PPM1A: variants seen among roughly 807,000 people sequenced by gnomAD.
The protein encoded by PPM1A is protein phosphatase 1A.
A neutral mutation model predicts 35.0 loss-of-function variants in PPM1A; 7 were observed. The observed-to-expected ratio is 0.20, with a 90% CI of 0.11 to 0.38. The LOEUF (loss-of-function observed/expected upper bound fraction) is 0.38. PPM1A is among the 10% of genes least tolerant of loss of function. PPM1A has a pLI of 1.00. For synonymous variants in PPM1A, 153 were observed against 167.3 expected (o/e 0.91, Z 0.66); for missense variants, 239 against 467.8 (o/e 0.51, Z 4.51).
intron 1 of PPM1A, among the ~76,000 whole-genome samples, chr14:60,271,029 C>T (rs1484451159): frequency 2.0e-5 from 3 of 152,204 alleles, no homozygotes; most frequent in Admixed American, 6.5e-5. Context: ...ATCATTTTCA[C>T]GGGGACAAAA....
At chr14:60,262,132 T>C (rs1450956064) in intron 1 of PPM1A, among the ~76,000 whole-genome samples, 4 of 152,256 alleles carry the variant, frequency 2.6e-5, no homozygotes, top group South Asian at 4.1e-4. Flanking sequence ...TCTGAATGTT[T>C]ATAGTAGTAG....
At position 60,249,533 on chromosome 14, in the gene PPM1A, C is replaced by T; in HGVS notation, c.-165C>T. The T allele has an allele frequency of 4.1e-6, 4 of 985,294 alleles. No individual in the cohort carries two copies. The highest frequency in any genetic ancestry group is 4.8e-6 in the Non-Finnish European group (4 of 829,642). The allele number at this position is 985,294 out of a possible 1,614,324, so 61.0% of individuals were successfully genotyped here. On this transcript the variant is annotated 5_prime_UTR_variant, in exon 1 of 6. Coordinates refer to ENST00000395076, the MANE Select transcript of PPM1A (RefSeq NM_021003.5). This position sits in a 1 kb window ranked among gnomAD's most constrained non-coding sequence, Gnocchi z 4.5. ...GCAGCCCGGCTCCTCCCCTCCTCCG[C>T]CCCTTCCCCAGCCTGACCTGGCCCG...
intron 1 of PPM1A, among the ~76,000 whole-genome samples, chr14:60,264,378 A>T (rs78272212): frequency 8.5e-4 from 129 of 152,112 alleles, no homozygotes; most frequent in Non-Finnish European, 1.7e-3. Context: ...TTCTGTCACC[A>T]CTACTTACTG....
intron 4 of PPM1A, 69 bp from the exon 5 acceptor site, chr14:60,291,328 C>A: frequency 9.3e-7 from 1 of 1,071,712 alleles, no homozygotes; most frequent in Middle Eastern, 2.1e-4. Context: ...TAATAAACAC[C>A]TGGCTATGAG....
At position 60,292,242 on chromosome 14, in the gene PPM1A, CCAAAA is replaced by C. The variant is rs1227890976; in HGVS notation, c.1120-201_1120-197del. On this transcript the variant is annotated intron_variant, in intron 5 of 5. Coordinates refer to ENST00000395076, the MANE Select transcript of PPM1A (RefSeq NM_021003.5). This position sits in a 1 kb window ranked among gnomAD's most constrained non-coding sequence, Gnocchi z 4.2. ...CATAAAACCGCATTTCAAATATTTT[CCAAAA>C]CAAAACAAAGGATTAACAATTCTTT... Among the ~76,000 whole-genome samples, 3 of 152,150 alleles carry C rather than the reference CCAAAA, an allele frequency of 2.0e-5. No individual in the cohort carries two copies. Among genetic ancestry groups the C allele is most frequent in the Non-Finnish European group, 2.9e-5 (2 of 67,956 alleles).
At chr14:60,279,644 T>A (rs1417012138) in intron 1 of PPM1A, among the ~76,000 whole-genome samples, 1 of 152,044 alleles carries the variant, frequency 6.6e-6, no homozygotes, top group Non-Finnish European at 1.5e-5. Flanking sequence ...TTTAAACTCC[T>A]ATCGGCACTC....
upstream of PPM1A, among the ~76,000 whole-genome samples, chr14:60,246,343 G>C (rs1472531694): frequency 6.6e-6 from 1 of 152,044 alleles, no homozygotes; most frequent in Non-Finnish European, 1.5e-5. Context: ...CCACACTACA[G>C]CCCCTGTCCT....
rs1020015993 is a variant in PPM1A at position 60,298,943 on chromosome 14, C to A, written c.*6461C>A. ...AGAAAATATGTGAATTCAGTTCTAA[C>A]TTTAAGAATGTACTGTTTGTTTTCA... On this transcript the variant is annotated 3_prime_UTR_variant, in exon 6 of 6. Coordinates refer to ENST00000395076, the MANE Select transcript of PPM1A (RefSeq NM_021003.5). 6.6e-6 allele frequency: 1 copy of A among 151,722 alleles called. No homozygotes were observed. The highest frequency in any genetic ancestry group is 1.5e-5 in the Non-Finnish European group (1 of 67,768). 9.4% of individuals were successfully genotyped at this position (151,722 alleles called of 1,614,324 possible).
At chr14:60,271,986 G>A (rs1053212026) in intron 1 of PPM1A, among the ~76,000 whole-genome samples, 5 of 151,678 alleles carry the variant, frequency 3.3e-5, no homozygotes, top group African/African-American at 1.2e-4. Flanking sequence ...GTCCAGTATC[G>A]CATATTGGAT....
rs1386293581 is a variant in PPM1A at position 60,294,452 on chromosome 14, T to C, written c.*1970T>C. ...CGAAGTATGATAATGTTCTAAGTTA[T>C]GGCTTTGCAAGCATCTAAATGTGCA... On this transcript the variant is annotated 3_prime_UTR_variant, in exon 6 of 6. Transcript: ENST00000395076. 1 of 151,936 alleles carries C rather than the reference T, an allele frequency of 6.6e-6. No homozygotes were observed. Among genetic ancestry groups the C allele is most frequent in the Non-Finnish European group, 1.5e-5 (1 of 67,858 alleles). The allele number at this position is 151,936 out of a possible 1,614,324, so 9.4% of individuals were successfully genotyped here.
chr14:60,246,286 G>A (rs1881782371), upstream of PPM1A, among the ~76,000 whole-genome samples: 1 of 152,122 alleles, frequency 6.6e-6, no homozygotes, highest in Admixed American at 6.5e-5. Context: ...TCACAATTGT[G>A]GTGGAAAGGG....
rs984700951 is a variant in PPM1A, at chr14:60,282,499, C to G, written c.-20-185C>G. 6.6e-6 allele frequency among the ~76,000 whole-genome samples: 1 copy of G among 152,172 alleles called. No individual in the cohort carries two copies. Among genetic ancestry groups the G allele is most frequent in the Non-Finnish European group, 1.5e-5 (1 of 68,028 alleles). On this transcript the variant is annotated intron_variant, in intron 1 of 5. Transcript: ENST00000395076. The surrounding 1 kb of genome is among the most constrained non-coding windows in gnomAD (Gnocchi z 5.1). ...GCCTTTTTGTCTGTTGTGATCTGTGCTTCATCAGGCTTTCCCCCAGTTCCT... is the reference window on the plus strand; with the variant it reads ...GCCTTTTTGTCTGTTGTGATCTGTGGTTCATCAGGCTTTCCCCCAGTTCCT...
intron 1 of PPM1A, among the ~76,000 whole-genome samples, chr14:60,269,696 G>A (rs535504476): frequency 2.2e-4 from 33 of 152,134 alleles, no homozygotes; most frequent in African/African-American, 7.9e-4. Flanking sequence ...TTACAGGCGT[G>A]CGTTATTATG....
At chr14:60,281,712 CT>C (rs1327715021) in intron 1 of PPM1A, among the ~76,000 whole-genome samples, 2 of 152,186 alleles carry the variant, frequency 1.3e-5, no homozygotes, top group South Asian at 4.1e-4. Flanking sequence ...CCAGCTGTCT[CT>C]TTGCCTTGTG....
At chr14:60,267,468 A>G (rs1339272545) in intron 1 of PPM1A, among the ~76,000 whole-genome samples, 2 of 152,038 alleles carry the variant, frequency 1.3e-5, no homozygotes, top group Non-Finnish European at 2.9e-5. Flanking sequence ...TATATATTTT[A>G]CTGACTTTTT....
chr14:60,280,774 A>C (rs963437613), intron 1 of PPM1A, among the ~76,000 whole-genome samples: 1 of 152,220 alleles, frequency 6.6e-6, no homozygotes, highest in South Asian at 2.1e-4. Flanking sequence ...AGAATCACAT[A>C]TGAAAATTTA....
rs1054047363 is a variant in PPM1A, at chr14:60,294,954, G to A, written c.*2472G>A. ...TCCTGATTCCTGGAGGTAATAGTGG[G>A]GGGAAACCAACCATACTTTTTAAAG... On this transcript the variant is annotated 3_prime_UTR_variant, in exon 6 of 6. Coordinates refer to ENST00000395076, the MANE Select transcript of PPM1A (RefSeq NM_021003.5). The A allele has an allele frequency of 1.5e-4, 22 of 151,636 alleles. No individual in the cohort carries two copies. Among genetic ancestry groups the A allele is most frequent in the African/African-American group, 5.3e-4 (22 of 41,320 alleles). 9.4% of individuals were successfully genotyped at this position (151,636 alleles called of 1,614,324 possible). A position where few individuals can be genotyped will look rare whatever the true frequency, so the allele number is the denominator to read the frequency against.
chr14:60,286,479 T>C (rs1887025090), intron 3 of PPM1A: 1 of 985,250 alleles, frequency 1.0e-6, no homozygotes, highest in Non-Finnish European at 1.2e-6. Context: ...GACATGACTT[T>C]AATAGTGTTA....
At chr14:60,287,657 C>T (rs1887161500) in intron 3 of PPM1A, 1 of 985,138 alleles carries the variant, frequency 1.0e-6, no homozygotes, top group Admixed American at 6.2e-5. Flanking sequence ...CTTCTCTGTC[C>T]ACACCATAGA....
Sources: gnomAD v4.1 joint callset for allele counts (sites outside exome capture counted in the v4.1 genomes callset) on GRCh38, gnomAD v4.1.1 for gene constraint, Gnocchi (gnomAD v3.1) non-coding constraint, MANE v1.5 for transcripts, NCBI Gene and HGNC (gene_info 2026-07-23, HGNC 2026-07-21) for gene names.